DYSF: variants seen among roughly 807,000 people sequenced by gnomAD.
DYSF encodes dystrophy-associated fer-1-like 1.
DYSF carries 212 observed loss-of-function variants against 274.9 expected under a neutral mutation model. The ratio of observed to expected loss-of-function variants is 0.77; its 90% CI spans 0.69 to 0.86. The LOEUF is 0.86. Ranked by LOEUF, DYSF falls within the 40% of genes least tolerant of loss-of-function variation. DYSF has a pLI of 0.00. For synonymous variants in DYSF, 1,091 were observed against 1,078.7 expected (o/e 1.01, Z -0.22); for missense variants, 2,666 against 2,783.2 (o/e 0.96, Z 0.95).
At position 71,656,251 on chromosome 2, in the gene DYSF, G is replaced by A. The variant is rs572593293; in HGVS notation, c.4716G>A (p.Gln1572=). ...NTFKLYRGKT[Q]EETEDPSVIG... is the part of the protein sequence containing the mutation. ...TCAAGCTGTACCGGGGCAAGACGCAGGAGGAGACAGAAGATCCATCTGTGA... is the reference window on the plus strand; with the variant it reads ...TCAAGCTGTACCGGGGCAAGACGCAAGAGGAGACAGAAGATCCATCTGTGA... Residue 1572 remains glutamine (Q), a synonymous_variant, in exon 43 of 56, where the codon CAG becomes CAA. Transcript: ENST00000410020. 2 of 1,614,208 alleles carry A rather than the reference G, an allele frequency of 1.2e-6. No homozygotes were observed. The highest frequency in any genetic ancestry group is 1.1e-5 in the South Asian group (1 of 91,080).
chr2:71,567,943 G>A lies in DYSF; in HGVS notation c.2566-8G>A. 6.2e-7 allele frequency: 1 copy of A among 1,614,076 alleles called. No individual in the cohort carries two copies. The highest frequency in any genetic ancestry group is 8.5e-7 in the Non-Finnish European group (1 of 1,179,986). Reference sequence around the variant, plus strand: ...GACTGTGGGTTTCTGTCCTTCTCTGGTACCCAGTATCCGATGGAGAAGGTG... The same window carrying A: ...GACTGTGGGTTTCTGTCCTTCTCTGATACCCAGTATCCGATGGAGAAGGTG... On this transcript the variant is annotated splice_polypyrimidine_tract_variant and splice_region_variant and intron_variant, in intron 24 of 55. Coordinates refer to ENST00000410020, the MANE Select transcript of DYSF (RefSeq NM_001130987.2).
At position 71,513,836 on chromosome 2, in the gene DYSF, C is replaced by T. The variant is rs1199287169; in HGVS notation, c.674C>T (p.Pro225Leu). Residue 225 changes from proline to leucine, a missense_variant, in exon 7 of 56, where the codon CCT becomes CTT. This residue lies in a region of DYSF where 794 missense variants were observed against 777.1 expected (regional missense o/e 1.02). Transcript: ENST00000410020. ...ACCCCAAGGAAACTACCTTCACGTC[C>T]TCCGCCCCACTACCCCGGGATCAAA... ...PTTPRKLPSR[P>L]PPHYPGIKRK... 6 of 1,614,106 alleles carry T rather than the reference C, an allele frequency of 3.7e-6. No individual in the cohort carries two copies. Among genetic ancestry groups the T allele is most frequent in the Non-Finnish European group, 5.1e-6 (6 of 1,180,046 alleles).
chr2:71,627,989 C>T (rs976294995), intron 41 of DYSF, among the ~76,000 whole-genome samples: 1 of 152,072 alleles, frequency 6.6e-6, no homozygotes, highest in African/African-American at 2.4e-5. Flanking sequence ...AGCTATCTCT[C>T]CTGTGAACAG....
intron 55 of DYSF, among the ~76,000 whole-genome samples, chr2:71,685,033 C>A (rs962413719): frequency 6.6e-6 from 1 of 152,204 alleles, no homozygotes; most frequent in South Asian, 2.1e-4. Flanking sequence ...TAAGCCCAGC[C>A]CCTGCCAGCT....
intron 1 of DYSF, among the ~76,000 whole-genome samples, chr2:71,470,874 C>A (rs976923705): frequency 1.3e-5 from 2 of 150,894 alleles, no homozygotes; most frequent in East Asian, 2.0e-4. Flanking sequence ...TCATTGCAAC[C>A]GCCGCCTCCC....
At position 71,664,532 on chromosome 2, in the gene DYSF, C is replaced by T. The variant is rs571225168; in HGVS notation, c.5174+94C>T. 7.4e-5 allele frequency: 111 copies of T among 1,497,830 alleles called. No individual in the cohort carries two copies. In the African/African-American group the frequency reaches 1.2e-3, roughly 16 times the overall value. 92.8% of individuals were successfully genotyped at this position (1,497,830 alleles called of 1,614,324 possible). On this transcript the variant is annotated intron_variant, in intron 46 of 55. Transcript: ENST00000410020. ...CCACCACTGAGCACTTACTGTGTGC[C>T]AGCCCTGGGCTTAGCACTTCCTAGG...
intron 17 of DYSF, among the ~76,000 whole-genome samples, 179 bp from the exon 18 acceptor site, chr2:71,550,862 G>T (rs1292240864): frequency 6.6e-6 from 1 of 152,236 alleles, no homozygotes; most frequent in Non-Finnish European, 1.5e-5. Flanking sequence ...AAGAGACTTA[G>T]GGGAGGGCGT....
rs372244975 is a variant in DYSF, at chr2:71,682,566, A to G, written c.6210A>G (p.Pro2070=). 1.9e-6 allele frequency: 3 copies of G among 1,613,890 alleles called. No individual in the cohort carries two copies. In the African/African-American group the frequency reaches 4.0e-5, roughly 22 times the overall value. ...PDTSFLWFTS[P]YKTMKFILWR... ...CCTCCTTCCTGTGGTTTACCTCCCCATACAAGACCATGAAGTTCATCCTGT... is the reference window on the plus strand; with the variant it reads ...CCTCCTTCCTGTGGTTTACCTCCCCGTACAAGACCATGAAGTTCATCCTGT... The change falls in exon 55 of 56, where the codon CCA becomes CCG. Residue 2070 remains proline, a synonymous_variant. Transcript: ENST00000410020.
At chr2:71,517,821 T>C (rs2086819198) in intron 10 of DYSF, among the ~76,000 whole-genome samples, 1 of 152,176 alleles carries the variant, frequency 6.6e-6, no homozygotes, top group African/African-American at 2.4e-5. Flanking sequence ...AGGGAAAGTG[T>C]AATATATTTA....
chr2:71,663,854 GT>G (rs1201053914), intron 45 of DYSF, among the ~76,000 whole-genome samples: 1 of 151,946 alleles, frequency 6.6e-6, no homozygotes, highest in African/African-American at 2.4e-5. Context: ...GTAAATTGGA[GT>G]CCCCCAATTT....
At chr2:71,463,385 T>A (rs142316576), upstream of DYSF, among the ~76,000 whole-genome samples, 4 of 152,114 alleles carry the variant, frequency 2.6e-5, no homozygotes, top group African/African-American at 9.6e-5. Flanking sequence ...CCCCAGAGAG[T>A]GCAGGGATGC....
rs150444588 is a variant in DYSF, at chr2:71,598,706, G to A, written c.3717G>A (p.Pro1239=). The A allele has an allele frequency of 1.7e-5, 27 of 1,613,600 alleles. No individual in the cohort carries two copies. Among genetic ancestry groups the A allele is most frequent in the African/African-American group, 5.3e-5 (4 of 75,024 alleles). ...FGEPATVAEQ[P]PSIVVELYDH... ...AGCCGGCCACAGTTGCTGAGCAACC[G>A]CCCAGCATTGTGGTGGAGCTGTACG... The change falls in exon 33 of 56, where the codon CCG becomes CCA. Residue 1239 remains proline, a synonymous_variant. Transcript: ENST00000410020.
chr2:71,553,905 C>A lies in DYSF; in HGVS notation c.2083C>A (p.Gln695Lys), dbSNP rs1180745348. The change falls in exon 21 of 56, where the codon CAG (glutamine) becomes AAG (lysine). Residue 695 changes from glutamine to lysine, a missense_variant. Physicochemically the swap from Gln to Lys is moderately conservative, Grantham distance 53 (BLOSUM62 1). This residue lies in a region of DYSF where 412 missense variants were observed against 504.0 expected (regional missense o/e 0.82). Coordinates refer to ENST00000410020, the MANE Select transcript of DYSF (RefSeq NM_001130987.2). ...DISHRIETQN[Q>K]LLGIADRLEA... is the part of the protein sequence containing the mutation. ...CAGCCATAGAATCGAGACTCAGAAC[C>A]AGCTGCTTGGGATTGCTGACCGGCT... is the stretch of plus-strand genomic sequence containing the variant. The A allele has an allele frequency of 3.1e-6, 5 of 1,614,188 alleles. No individual in the cohort carries two copies. Among genetic ancestry groups the A allele is most frequent in the East Asian group, 4.5e-5 (2 of 44,882 alleles).
chr2:71,668,046 G>A (rs555921255), intron 48 of DYSF, among the ~76,000 whole-genome samples: 1 of 152,180 alleles, frequency 6.6e-6, no homozygotes, highest in East Asian at 1.9e-4. Flanking sequence ...GACAGGGAGG[G>A]CTTCCTGGAA....
chr2:71,574,058 A>C, intron 29 of DYSF, 140 bp from the exon 30 acceptor site: 1 of 1,052,548 alleles, frequency 9.5e-7, no homozygotes, highest in Non-Finnish European at 1.4e-6. Context: ...TGGCCCTCCC[A>C]GGTTTTCCCA....
intron 17 of DYSF, chr2:71,549,261 C>A: frequency 1.5e-6 from 2 of 1,311,714 alleles, no homozygotes; most frequent in Non-Finnish European, 2.2e-6. Context: ...TGTCTGCCTG[C>A]CAGCTCTCCA....
intron 10 of DYSF, among the ~76,000 whole-genome samples, chr2:71,519,494 T>A (rs1334054576): frequency 1.3e-5 from 2 of 152,192 alleles, no homozygotes; most frequent in Non-Finnish European, 2.9e-5. Context: ...CTGCCCCTGC[T>A]GCCCCCTGCA....
At chr2:71,600,648 C>A (rs1416699067) in intron 33 of DYSF, 54 bp from the exon 34 acceptor site, 4 of 1,612,768 alleles carry the variant, frequency 2.5e-6, no homozygotes, top group Non-Finnish European at 3.4e-6. Context: ...CTCTGAGGCT[C>A]CCTAGAGCCC....
chr2:71,534,810 C>T (rs2089139179), intron 14 of DYSF, among the ~76,000 whole-genome samples: 1 of 152,168 alleles, frequency 6.6e-6, no homozygotes, highest in Non-Finnish European at 1.5e-5. Context: ...ACCCACTCCC[C>T]AGCTCTGGGT....
Sources: allele counts gnomAD v4.1 joint callset (sites outside exome capture counted in the v4.1 genomes callset), GRCh38; gene constraint gnomAD v4.1.1; regional missense constraint gnomAD v4.1.1; transcripts MANE v1.5; gene names NCBI Gene and HGNC (gene_info 2026-07-23, HGNC 2026-07-21).